Variants in GAD1 observed in about 807,000 individuals in gnomAD.
GAD1 encodes the protein 67 kDa glutamic acid decarboxylase.
GAD1 carries 35 observed loss-of-function variants against 75.2 expected under a neutral mutation model. The observed-to-expected ratio is 0.47, with a 90% confidence interval of 0.36 to 0.62. The LOEUF (loss-of-function observed/expected upper bound fraction) is 0.62, where lower values mean the gene tolerates loss of function less well. Among genes scored for constraint, GAD1 ranks in the 20% least tolerant of loss-of-function variants. The pLI is 0.00. For missense variants in GAD1, 490 were observed against 758.5 expected (o/e 0.65, Z 4.16); for synonymous variants, 257 against 271.9 (o/e 0.95, Z 0.54).
chr2:170,819,977 A>G (rs575002586), intron 2 of GAD1, among the ~76,000 whole-genome samples: 1 of 152,246 alleles, frequency 6.6e-6, no homozygotes, highest in African/African-American at 2.4e-5. Flanking sequence ...GGAGGGATAC[A>G]ATTACCCACA....
intron 7 of GAD1, 61 bp from the exon 8 acceptor site, chr2:170,845,445 C>G (rs1012135697): frequency 7.1e-6 from 10 of 1,402,744 alleles, no homozygotes; most frequent in African/African-American, 1.4e-5. Flanking sequence ...GCTCAGCGTT[C>G]GTTTTTAGAA....
chr2:170,856,315 G>A (rs1471221007), intron 14 of GAD1, among the ~76,000 whole-genome samples: 1 of 152,166 alleles, frequency 6.6e-6, no homozygotes, highest in Non-Finnish European at 1.5e-5. Context: ...TGCAATATCA[G>A]GGCATATACT....
At chr2:170,831,384 G>C (rs534920646) in intron 5 of GAD1, among the ~76,000 whole-genome samples, 192 bp downstream of exon 5, 51 of 152,184 alleles carry the variant, frequency 3.4e-4, no homozygotes, top group African/African-American at 9.2e-4. Context: ...CCAGGCAAAA[G>C]TTCATCAGCA....
rs543434378 is a variant in GAD1 at position 170,816,911 on chromosome 2, A to G, written c.-201A>G. The G allele has an allele frequency of 7.5e-5, 13 of 172,700 alleles. No individual in the cohort carries two copies. The South Asian group carries it at 2.4e-3, about 32-fold the overall frequency. 10.7% of individuals were successfully genotyped at this position (172,700 alleles called of 1,614,324 possible). On this transcript the variant is annotated 5_prime_UTR_variant, in exon 1 of 17. Transcript: ENST00000358196. Reference sequence around the variant, plus strand: ...TCTCTTCTCCTGGCGCTCGCGTGCGAGAGGGAACTAGCGAGAACGAGGAAG... The same window carrying G: ...TCTCTTCTCCTGGCGCTCGCGTGCGGGAGGGAACTAGCGAGAACGAGGAAG...
chr2:170,821,916 T>A, intron 2 of GAD1, 171 bp from the exon 3 acceptor site: 2 of 664,592 alleles, frequency 3.0e-6, no homozygotes, highest in South Asian at 1.7e-5. Context: ...GGGCTTAGAG[T>A]ATATGCCTGT....
intron 6 of GAD1, among the ~76,000 whole-genome samples, chr2:170,839,979 C>G (rs1702471269): frequency 6.6e-6 from 1 of 152,176 alleles, no homozygotes; most frequent in Non-Finnish European, 1.5e-5. Flanking sequence ...TTTTACACCA[C>G]CGGGCAGGTC....
chr2:170,831,310 C>A, intron 5 of GAD1, 118 bp downstream of exon 5: 1 of 1,164,008 alleles, frequency 8.6e-7, no homozygotes. Context: ...TGAGATAAGG[C>A]GGCAAAGTAC....
rs541037479 is a variant in GAD1 at position 170,818,470 on chromosome 2, C to A, written c.-63-59C>A. On this transcript the variant is annotated intron_variant, in intron 1 of 16. Coordinates refer to ENST00000358196, the MANE Select transcript of GAD1 (RefSeq NM_000817.3). This position sits in a 1 kb window ranked among gnomAD's most constrained non-coding sequence, Gnocchi z 5.9. Reference sequence around the variant, plus strand: ...GCCTCCGTGCCCCCGGCTGCTCAGTCCCTCCGGTGTGCAGGACCCCGGAAG... The same window carrying A: ...GCCTCCGTGCCCCCGGCTGCTCAGTACCTCCGGTGTGCAGGACCCCGGAAG... 3.3e-6 allele frequency: 3 copies of A among 898,074 alleles called. No homozygotes were observed. In the East Asian group the frequency reaches 7.3e-5, roughly 22 times the overall value. 55.6% of individuals were successfully genotyped at this position (898,074 alleles called of 1,614,324 possible).
At chr2:170,848,606 A>G in intron 11 of GAD1, 1 of 471,442 alleles carries the variant, frequency 2.1e-6, no homozygotes, top group Non-Finnish European at 4.2e-6. Flanking sequence ...AAATCTTCCC[A>G]GGAACACAAA....
At chr2:170,846,250 T>C (rs1702630537) in intron 10 of GAD1, among the ~76,000 whole-genome samples, 187 bp downstream of exon 10, 1 of 152,224 alleles carries the variant, frequency 6.6e-6, no homozygotes, top group Admixed American at 6.5e-5. Context: ...ATCAGGGTTT[T>C]TTTAAAAAAT....
At position 170,849,366 on chromosome 2, in the gene GAD1, C is replaced by T. The variant is rs1215822440; in HGVS notation, c.1184+16C>T. 1 of 1,613,302 alleles carries T rather than the reference C, an allele frequency of 6.2e-7. No individual in the cohort carries two copies. Among genetic ancestry groups the T allele is most frequent in the Admixed American group, 1.7e-5 (1 of 60,004 alleles). ...GCATAGAAAGGTAACGGCCAGAACT[C>T]GCCAGGCCTCCTTCCACCCAGCACA... On this transcript the variant is annotated intron_variant, in intron 12 of 16. Coordinates refer to ENST00000358196, the MANE Select transcript of GAD1 (RefSeq NM_000817.3).
chr2:170,845,670 T>C (rs376291126), intron 8 of GAD1, 36 bp from the exon 9 acceptor site: 2 of 1,613,394 alleles, frequency 1.2e-6, no homozygotes, highest in Non-Finnish European at 1.7e-6. Context: ...TTAGGGGACT[T>C]TCCAACTTCT....
chr2:170,824,419 A>ACACACC (rs1280660110), intron 3 of GAD1, among the ~76,000 whole-genome samples: 15 of 115,828 alleles, frequency 1.3e-4, no homozygotes, highest in Non-Finnish European at 2.2e-4. Flanking sequence ...ACACACACAC[A>ACACACC]CCCCTCCCTT....
At chr2:170,848,530 A>G (rs1331646163) in intron 11 of GAD1, among the ~76,000 whole-genome samples, 1 of 151,896 alleles carries the variant, frequency 6.6e-6, no homozygotes, top group East Asian at 1.9e-4. Flanking sequence ...GAAAAAGAAT[A>G]TCTGCTACAT....
In GAD1 at chr2:170,837,841, T is replaced by G. The variant is rs1041858218; in HGVS notation, c.638+958T>G. On this transcript the variant is annotated intron_variant, in intron 6 of 16. Transcript: ENST00000358196. ...AAAAGTAGATTCCAAAAAATGAATT[T>G]AGGTAAAAGGGTAGTATTGCTTAAA... Among the ~76,000 whole-genome samples, 9 of 152,308 alleles carry G rather than the reference T, an allele frequency of 5.9e-5. No individual in the cohort carries two copies. The East Asian group carries it at 7.7e-4, about 13-fold the overall frequency.
At chr2:170,847,593 T>A in intron 10 of GAD1, 83 bp from the exon 11 acceptor site, 2 of 940,064 alleles carry the variant, frequency 2.1e-6, no homozygotes. Context: ...GAAATAAATG[T>A]TACACAATTC....
intron 6 of GAD1, chr2:170,842,754 A>C: frequency 6.6e-7 from 1 of 1,524,766 alleles, no homozygotes; most frequent in Non-Finnish European, 8.8e-7. Flanking sequence ...TACTTCTACC[A>C]ACATATCTGA....
At chr2:170,821,043 C>G (rs903241145) in intron 2 of GAD1, among the ~76,000 whole-genome samples, 28 of 152,220 alleles carry the variant, frequency 1.8e-4, no homozygotes, top group Non-Finnish European at 3.4e-4. Context: ...TTCTTCTCCC[C>G]GCTGGGGCTC....
chr2:170,852,845 C>G, intron 13 of GAD1, 53 bp downstream of exon 13: 1 of 1,488,152 alleles, frequency 6.7e-7, no homozygotes, highest in Non-Finnish European at 9.4e-7. Flanking sequence ...TTAGAAAGCA[C>G]AAAAAGACAC....
Sources: gnomAD v4.1 joint callset for allele counts (sites outside exome capture counted in the v4.1 genomes callset) on GRCh38, gnomAD v4.1.1 for gene constraint, Gnocchi (gnomAD v3.1) non-coding constraint, MANE v1.5 for transcripts, NCBI Gene and HGNC (gene_info 2026-07-23, HGNC 2026-07-21) for gene names.